Variants in GLIPR1 observed in about 807,000 individuals in gnomAD.
GLIPR1 encodes GLI pathogenesis related 1, also known as glioma pathogenesis-related protein 1.
In GLIPR1, 38 loss-of-function variants were observed where a neutral mutation model predicts 30.3. The ratio of observed to expected loss-of-function variants is 1.26; its 90% CI spans 0.97 to 1.65. The LOEUF is 1.65. Among genes scored for constraint, GLIPR1 ranks in the 40% most tolerant of loss-of-function variants. The pLI is 0.00. For missense variants in GLIPR1, 285 were observed against 326.5 expected, an observed-to-expected ratio of 0.87 and a Z score of 0.98; for synonymous variants, 122 against 110.6, an observed-to-expected ratio of 1.10 and a Z score of -0.65.
At chr12:75,496,598 A>G (rs1258075592) in intron 4 of GLIPR1, 1 of 152,142 alleles carries the variant, frequency 6.6e-6, no homozygotes, top group Non-Finnish European at 1.5e-5. Flanking sequence ...TGAAGGGGAA[A>G]CTTCAATTAA....
chr12:75,482,093 C>A lies in GLIPR1; in HGVS notation c.420+14C>A. 6.2e-7 allele frequency: 1 copy of A among 1,606,706 alleles called. No homozygotes were observed. Among genetic ancestry groups the A allele is most frequent in the South Asian group, 1.1e-5 (1 of 90,794 alleles). Reference sequence around the variant, plus strand: ...CACTACACTCAGGTAAGGATCTGCCCTATATTATCTTGAAACTGTCTTTTC... The same window carrying A: ...CACTACACTCAGGTAAGGATCTGCCATATATTATCTTGAAACTGTCTTTTC... On this transcript the variant is annotated intron_variant, in intron 2 of 5. Coordinates refer to ENST00000266659, the MANE Select transcript of GLIPR1 (RefSeq NM_006851.3).
chr12:75,493,802 C>G (rs1038948634), intron 3 of GLIPR1: 1 of 152,202 alleles, frequency 6.6e-6, no homozygotes, highest in Non-Finnish European at 1.5e-5. Flanking sequence ...CCAGGCCTTT[C>G]CAGTAGCATG....
chr12:75,490,554 C>CG, intron 3 of GLIPR1, 36 bp downstream of exon 3: 1 of 109,682 alleles, frequency 9.1e-6, no homozygotes, highest in Non-Finnish European at 1.3e-5. Flanking sequence ...TAGGAAACGC[C>CG]CCCCCCCCCC....
intron 3 of GLIPR1, chr12:75,494,918 G>A (rs2046341717): frequency 6.6e-6 from 1 of 152,226 alleles, no homozygotes; most frequent in Admixed American, 6.5e-5. Flanking sequence ...TAGGGTTTTT[G>A]TGAAGATTAT....
In GLIPR1 at chr12:75,500,113, T is replaced by G; in HGVS notation, c.*1135T>G. On this transcript the variant is annotated 3_prime_UTR_variant, in exon 6 of 6. Coordinates refer to ENST00000266659, the MANE Select transcript of GLIPR1 (RefSeq NM_006851.3). ...ATCACAGTATAAAATATAAAAACAC[T>G]TGCCTAAAGCAGTTAGAAATTTCTT... The G allele has an allele frequency of 1.6e-5, 8 of 513,782 alleles. No individual in the cohort carries two copies. Among genetic ancestry groups the G allele is most frequent in the Non-Finnish European group, 2.6e-5 (8 of 308,520 alleles). 31.8% of individuals were successfully genotyped at this position (513,782 alleles called of 1,614,324 possible). A position where few individuals can be genotyped will look rare whatever the true frequency, so the allele number is the denominator to read the frequency against.
intron 4 of GLIPR1, 79 bp from the exon 5 acceptor site, chr12:75,498,615 A>AGACTT (rs1266385919): frequency 8.7e-7 from 1 of 1,151,072 alleles, no homozygotes; most frequent in East Asian, 2.4e-5. Flanking sequence ...CATAATTATA[A>AGACTT]GACTTAGCTT....
At chr12:75,498,084 G>A (rs2046362709) in intron 4 of GLIPR1, 1 of 152,542 alleles carries the variant, frequency 6.6e-6, no homozygotes, top group South Asian at 2.1e-4. Context: ...AGCGACTGCT[G>A]CAGAACTGGT....
chr12:75,497,194 G>GA (rs1228497268), intron 4 of GLIPR1: 1 of 151,962 alleles, frequency 6.6e-6, no homozygotes, highest in Non-Finnish European at 1.5e-5. Flanking sequence ...ACAACCCAGT[G>GA]AAAAAAATGT....
Position 75,501,498 on chromosome 12 carries a change from A to G in GLIPR1, c.*2520A>G, listed in dbSNP as rs2046393751. 2 of 481,820 alleles carry G rather than the reference A, an allele frequency of 4.2e-6. No homozygotes were observed. Among genetic ancestry groups the G allele is most frequent in the East Asian group, 3.5e-5 (1 of 28,938 alleles). The allele number at this position is 481,820 out of a possible 1,614,324, so 29.8% of individuals were successfully genotyped here. On this transcript the variant is annotated 3_prime_UTR_variant, in exon 6 of 6. Coordinates refer to ENST00000266659, the MANE Select transcript of GLIPR1 (RefSeq NM_006851.3). ...AAAGAGTCTTTTCCAAGCACAGACC[A>G]GAGGTCAGGAGAGGACTGTCAATCC...
chr12:75,481,357 C>CTTTTTTTTTTTTTTTTTTTTTCTTTT (rs72137011), intron 1 of GLIPR1: 1 of 144,304 alleles, frequency 6.9e-6, no homozygotes, highest in Non-Finnish European at 1.4e-5. Context: ...ATTTGGTTTT[C>CTTTTTTTTTTTTTTTTTTTTTCTTTT]TTTTTTTTTT....
Position 75,499,940 on chromosome 12 carries a change from T to A in GLIPR1, c.*962T>A, listed in dbSNP as rs17853238. ...TTGATGCTGGCCACATCAATTTTAG[T>A]TTCAGTAGAAGCTAGACAAATTAAA... On this transcript the variant is annotated 3_prime_UTR_variant, in exon 6 of 6. Coordinates refer to ENST00000266659, the MANE Select transcript of GLIPR1 (RefSeq NM_006851.3). The A allele has an allele frequency of 6.2e-7, 1 of 1,600,602 alleles. No homozygotes were observed.
intron 3 of GLIPR1, chr12:75,495,296 C>A: frequency 3.4e-6 from 1 of 297,632 alleles, no homozygotes; most frequent in Non-Finnish European, 6.4e-6. Flanking sequence ...TCTCTTACAT[C>A]TTTTGTCTCA....
rs917065860 is a variant in GLIPR1, at chr12:75,495,598, A to G, written c.555A>G (p.Pro185=). 3.7e-6 allele frequency: 6 copies of G among 1,608,680 alleles called. No homozygotes were observed. Among genetic ancestry groups the G allele is most frequent in the Non-Finnish European group, 5.1e-6 (6 of 1,175,242 alleles). ...YGPGGNYPTW[P]YKRGATCSAC... ...ACAGAGGGAATTACCCAACTTGGCC[A>G]TATAAGAGAGGAGCCACCTGCAGTG... The change falls in exon 4 of 6, where the codon CCA becomes CCG. Residue 185 remains proline (P), a synonymous_variant. Transcript: ENST00000266659.
At chr12:75,486,128 G>A (rs1024195120) in intron 2 of GLIPR1, among the ~76,000 whole-genome samples, 4 of 152,096 alleles carry the variant, frequency 2.6e-5, no homozygotes, top group Admixed American at 1.3e-4. Flanking sequence ...AGTACTTCAT[G>A]GCCAGGCAGA....
chr12:75,482,622 C>T (rs1158303749), intron 2 of GLIPR1, among the ~76,000 whole-genome samples: 1 of 151,976 alleles, frequency 6.6e-6, no homozygotes, highest in Non-Finnish European at 1.5e-5. Flanking sequence ...GAGAGGCCAA[C>T]GTGTAAACTT....
chr12:75,495,438 G>A (rs775906049), intron 3 of GLIPR1, 139 bp from the exon 4 acceptor site: 18 of 582,776 alleles, frequency 3.1e-5, no homozygotes, highest in Non-Finnish European at 5.7e-5. Context: ...CTGCCTTCCT[G>A]TCTTCACTTC....
rs200527675 is a variant in GLIPR1, at chr12:75,498,967, C to T, written c.790C>T (p.Leu264Phe). ...ACAGCACAAGTACCCTAATTTAGTT[C>T]TTTTGGACTAATACAATTCAGGAAA... ...LVQHKYPNLVLLD is the reference protein window; with the variant it reads ...LVQHKYPNLVFLD Residue 264 changes from leucine to phenylalanine, a missense_variant, in exon 6 of 6, where the codon CTT becomes TTT. Physicochemically the swap from Leu to Phe is conservative, Grantham distance 22. Transcript: ENST00000266659. 6.3e-7 allele frequency: 1 copy of T among 1,590,114 alleles called. No homozygotes were observed. The highest frequency in any genetic ancestry group is 1.8e-5 in the Admixed American group (1 of 55,184).
intron 2 of GLIPR1, among the ~76,000 whole-genome samples, chr12:75,486,373 G>A (rs1221471656): frequency 6.6e-6 from 1 of 152,064 alleles, no homozygotes; most frequent in African/African-American, 2.4e-5. Flanking sequence ...AGTGGTAAGG[G>A]AATGAAACAA....
At chr12:75,495,782 G>T (rs1594061639) in intron 4 of GLIPR1, 120 bp downstream of exon 4, 1 of 603,406 alleles carries the variant, frequency 1.7e-6, no homozygotes, top group East Asian at 2.9e-5. Context: ...CTGGCATCAA[G>T]TAGCAATTAA....
Sources: gnomAD v4.1 joint callset for allele counts (sites outside exome capture counted in the v4.1 genomes callset) on GRCh38, gnomAD v4.1.1 for gene constraint, MANE v1.5 for transcripts, NCBI Gene and HGNC (gene_info 2026-07-23, HGNC 2026-07-21) for gene names.